RILPL1: variants seen among roughly 807,000 people sequenced by gnomAD.
RILPL1 encodes RILP-like protein 1.
In RILPL1, 33 loss-of-function variants were observed where a neutral mutation model predicts 50.3. That is an observed-to-expected ratio of 0.66 (90% CI 0.50 to 0.88). RILPL1 has a LOEUF of 0.88. Ranked by LOEUF, RILPL1 falls within the 40% of genes least tolerant of loss-of-function variation. The pLI, the probability that RILPL1 is intolerant of heterozygous loss-of-function variation, is 0.00. For missense variants in RILPL1, 418 were observed against 542.5 expected (o/e 0.77, Z 2.28); for synonymous variants, 205 against 228.6 (o/e 0.90, Z 0.93).
At chr12:123,493,317 T>G (rs1449470297) in intron 4 of RILPL1, among the ~76,000 whole-genome samples, 2 of 152,202 alleles carry the variant, frequency 1.3e-5, no homozygotes, top group Non-Finnish European at 2.9e-5. Context: ...TTTGTTCACG[T>G]GTTTGTCTGC....
intron 4 of RILPL1, among the ~76,000 whole-genome samples, chr12:123,488,461 A>AAG (rs1882487482): frequency 2.6e-5 from 4 of 151,522 alleles, no homozygotes; most frequent in African/African-American, 9.7e-5. Context: ...AAAAAAAAAA[A>AAG]AAGAAGAAGA....
rs1883196553 is a variant in RILPL1, at chr12:123,498,889, G to T, written c.580-124C>A. On this transcript the variant is annotated intron_variant, in intron 3 of 6. Transcript: ENST00000376874. The surrounding 1 kb of genome is among the most constrained non-coding windows in gnomAD (Gnocchi z 4.3). ...TTGCAGACATCTTTGTTTGAAAGTT[G>T]TTCGTATTCTTATAGCTGATGATGC... The T allele has an allele frequency of 8.0e-6, 7 of 875,580 alleles. No individual in the cohort carries two copies. In the East Asian group the frequency reaches 1.2e-4, roughly 16 times the overall value. The allele number at this position is 875,580 out of a possible 1,614,324, so 54.2% of individuals were successfully genotyped here. A position where few individuals can be genotyped will look rare whatever the true frequency, so the allele number is the denominator to read the frequency against.
chr12:123,528,649 G>A (rs181691133), intron 1 of RILPL1, among the ~76,000 whole-genome samples: 3 of 151,900 alleles, frequency 2.0e-5, no homozygotes, highest in African/African-American at 7.3e-5. Context: ...GGATGGTCTC[G>A]ATCTCCTGAC....
intron 2 of RILPL1, chr12:123,514,098 C>T (rs774226499): frequency 3.3e-5 from 5 of 152,258 alleles, no homozygotes; most frequent in Non-Finnish European, 5.9e-5. Flanking sequence ...AAGCACAACG[C>T]GCTCAGTCCA....
intron 4 of RILPL1, among the ~76,000 whole-genome samples, chr12:123,487,952 C>T (rs1882452196): frequency 6.6e-6 from 1 of 151,874 alleles, no homozygotes; most frequent in Admixed American, 6.6e-5. Flanking sequence ...TTTTCTTAAT[C>T]ACAAGGAAGC....
rs184641799 is a variant in RILPL1 at position 123,491,575 on chromosome 12, C to A, written c.802-5770G>T. On this transcript the variant is annotated intron_variant, in intron 4 of 6. Coordinates refer to ENST00000376874, the MANE Select transcript of RILPL1 (RefSeq NM_178314.5). This position sits in a 1 kb window ranked among gnomAD's most constrained non-coding sequence, Gnocchi z 4.0. ...GGCCCAGCAATGGGGAACGACTGTG[C>A]TCTGGTCACACTTGGCACCACCAGG... Among the ~76,000 whole-genome samples, 1 of 152,342 alleles carries A rather than the reference C, an allele frequency of 6.6e-6. No individual in the cohort carries two copies. The highest frequency in any genetic ancestry group is 2.4e-5 in the African/African-American group (1 of 41,590).
chr12:123,512,486 CTGTG>C (rs200351435), intron 2 of RILPL1, among the ~76,000 whole-genome samples: 19 of 77,980 alleles, frequency 2.4e-4, no homozygotes, highest in East Asian at 4.3e-4. Flanking sequence ...TGTGTGAGGT[CTGTG>C]TGTGTGTGGT....
intron 6 of RILPL1, chr12:123,473,495 A>C (rs1881355405): frequency 1.3e-5 from 2 of 152,216 alleles, no homozygotes; most frequent in South Asian, 4.1e-4. Context: ...AGCCTGGGCA[A>C]GAGAACAAGA....
chr12:123,529,873 CAAAA>C (rs35014721), intron 1 of RILPL1, among the ~76,000 whole-genome samples: 1 of 129,850 alleles, frequency 7.7e-6, no homozygotes. Context: ...GTCCCTGACT[CAAAA>C]AAAAAAAAAA....
chr12:123,498,504 G>A lies in RILPL1; in HGVS notation c.801+40C>T, dbSNP rs1566124999. The A allele has an allele frequency of 1.9e-6, 3 of 1,581,492 alleles. No individual in the cohort carries two copies. Among genetic ancestry groups the A allele is most frequent in the South Asian group, 1.1e-5 (1 of 90,366 alleles). Reference sequence around the variant, plus strand: ...CCTGCCTTAAGCCAACCCCCAGACTGACCCTCTGCTACCACCTCTGCACCC... The same window carrying A: ...CCTGCCTTAAGCCAACCCCCAGACTAACCCTCTGCTACCACCTCTGCACCC... On this transcript the variant is annotated intron_variant, in intron 4 of 6. Transcript: ENST00000376874. This position sits in a 1 kb window ranked among gnomAD's most constrained non-coding sequence, Gnocchi z 4.3.
chr12:123,497,853 C>T (rs1566124612), intron 4 of RILPL1, among the ~76,000 whole-genome samples: 1 of 152,124 alleles, frequency 6.6e-6, no homozygotes, highest in Non-Finnish European at 1.5e-5. Context: ...CACACCTGGC[C>T]TTCATGTAAA....
chr12:123,498,206 T>TC lies in RILPL1; in HGVS notation c.801+337_801+338insG, dbSNP rs1338631484. Among the ~76,000 whole-genome samples, 1 of 151,642 alleles carries TC rather than the reference T, an allele frequency of 6.6e-6. No individual in the cohort carries two copies. Among genetic ancestry groups the TC allele is most frequent in the Non-Finnish European group, 1.5e-5 (1 of 67,960 alleles). ...CTTGTTCTCTCTGAGCCTCTCGTTTTTTCTCTCTCTCTCTCTCTCTTTTTT... is the reference window on the plus strand; with the variant it reads ...CTTGTTCTCTCTGAGCCTCTCGTTTTCTTCTCTCTCTCTCTCTCTCTTTTTT... On this transcript the variant is annotated intron_variant, in intron 4 of 6. Coordinates refer to ENST00000376874, the MANE Select transcript of RILPL1 (RefSeq NM_178314.5). The surrounding 1 kb of genome is among the most constrained non-coding windows in gnomAD (Gnocchi z 4.3).
rs28578845 is a variant in RILPL1, at chr12:123,522,146, G to T, written c.460+1349C>A. Among the ~76,000 whole-genome samples the T allele has an allele frequency of 0.019, 2,962 of 152,202 alleles. 116 individuals carry two copies. Among genetic ancestry groups the T allele is most frequent in the African/African-American group, 0.068 (2,806 of 41,520 alleles). ...GGGCACCCACCCCAGGTCCGTCCCC[G>T]TTCCATCAAACATGAGGAAGAGGCT... On this transcript the variant is annotated intron_variant, in intron 2 of 6. Coordinates refer to ENST00000376874, the MANE Select transcript of RILPL1 (RefSeq NM_178314.5). This position sits in a 1 kb window ranked among gnomAD's most constrained non-coding sequence, Gnocchi z 4.0.
Position 123,533,599 on chromosome 12 carries a change from G to A in RILPL1, c.-117C>T. 1.3e-6 allele frequency: 1 copy of A among 794,328 alleles called. No individual in the cohort carries two copies. The highest frequency in any genetic ancestry group is 5.8e-5 in the South Asian group (1 of 17,140). The allele number at this position is 794,328 out of a possible 1,614,324, so 49.2% of individuals were successfully genotyped here. A position where few individuals can be genotyped will look rare whatever the true frequency, so the allele number is the denominator to read the frequency against. ...GGCCGCGGGCGGGCGCGCTCAGCGG[G>A]CGCTGGGGCGAGGGCGCAGCGGGCA... On this transcript the variant is annotated 5_prime_UTR_variant, in exon 1 of 7. Coordinates refer to ENST00000376874, the MANE Select transcript of RILPL1 (RefSeq NM_178314.5). The surrounding 1 kb of genome is among the most constrained non-coding windows in gnomAD (Gnocchi z 6.2).
At chr12:123,515,754 G>C (rs1297120887) in intron 2 of RILPL1, among the ~76,000 whole-genome samples, 3 of 151,106 alleles carry the variant, frequency 2.0e-5, no homozygotes, top group South Asian at 4.2e-4. Context: ...CAAACACCAG[G>C]CTGGGCGTGG....
At chr12:123,481,082 C>T (rs930035163) in intron 6 of RILPL1, among the ~76,000 whole-genome samples, 8 of 152,080 alleles carry the variant, frequency 5.3e-5, no homozygotes, top group African/African-American at 1.7e-4. Context: ...CCTGGCCGGG[C>T]GCGGTGGCTC....
intron 1 of RILPL1, among the ~76,000 whole-genome samples, chr12:123,528,398 C>G (rs1329936700): frequency 6.8e-6 from 1 of 147,820 alleles, no homozygotes. Context: ...CTGTTTTGAG[C>G]CACTAAGTTT....
At chr12:123,520,169 A>C (rs1473466366) in intron 2 of RILPL1, among the ~76,000 whole-genome samples, 2 of 152,386 alleles carry the variant, frequency 1.3e-5, no homozygotes, top group Middle Eastern at 3.4e-3. Context: ...CACAACAGCC[A>C]AAAGGTGGTG....
chr12:123,527,434 T>C (rs1479294484), intron 1 of RILPL1, among the ~76,000 whole-genome samples: 1 of 151,644 alleles, frequency 6.6e-6, no homozygotes, highest in Non-Finnish European at 1.5e-5. Flanking sequence ...AGGTCAGGAG[T>C]TCGAGACCAG....
Sources: allele counts gnomAD v4.1 joint callset (sites outside exome capture counted in the v4.1 genomes callset), GRCh38; gene constraint gnomAD v4.1.1; non-coding constraint Gnocchi (gnomAD v3.1); transcripts MANE v1.5; gene names NCBI Gene and HGNC (gene_info 2026-07-23, HGNC 2026-07-21).